RASGRF2: variants seen among roughly 807,000 people sequenced by gnomAD.
RASGRF2 encodes Ras protein specific guanine nucleotide releasing factor 2.
RASGRF2 carries 76 observed loss-of-function variants against 151.0 expected under a neutral mutation model. That is an observed-to-expected ratio of 0.50 (90% CI 0.42 to 0.61). The LOEUF (loss-of-function observed/expected upper bound fraction) is 0.61. Ranked by LOEUF, RASGRF2 falls within the 20% of genes least tolerant of loss-of-function variation. The pLI is 0.00. For missense variants in RASGRF2, 1,148 were observed against 1,564.6 expected (o/e 0.73, Z 4.49); for synonymous variants, 504 against 566.5 (o/e 0.89, Z 1.57).
At chr5:81,035,228 A>T (rs1289728911) in intron 1 of RASGRF2, among the ~76,000 whole-genome samples, 1 of 152,168 alleles carries the variant, frequency 6.6e-6, no homozygotes. Flanking sequence ...TCCATCAATG[A>T]TAGACTGGAT....
In RASGRF2 at chr5:81,094,932, T is replaced by C; in HGVS notation, c.1695T>C (p.Thr565=). Residue 565 remains threonine, a synonymous_variant, in exon 12 of 27, where the codon ACT becomes ACC. Transcript: ENST00000265080. ...VVEPPDAAAF[T]VVLLAPSRQE... The stretch of plus-strand genomic sequence containing the variant: ...AGCCTCCTGACGCTGCCGCCTTCAC[T>C]GTTGTCTTGTTAGCACCCTCACGCC... 4 of 1,603,072 alleles carry C rather than the reference T, an allele frequency of 2.5e-6. No individual in the cohort carries two copies. Among genetic ancestry groups the C allele is most frequent in the Non-Finnish European group, 3.4e-6 (4 of 1,173,206 alleles).
intron 1 of RASGRF2, among the ~76,000 whole-genome samples, chr5:81,010,701 G>A (rs1335013089): frequency 1.3e-5 from 2 of 152,182 alleles, no homozygotes; most frequent in African/African-American, 4.8e-5. Context: ...CAAATGAGGT[G>A]AAAATGTATT....
chr5:81,210,835 A>G (rs1755613915), intron 22 of RASGRF2, among the ~76,000 whole-genome samples: 1 of 152,012 alleles, frequency 6.6e-6, no homozygotes, highest in Admixed American at 6.5e-5. Flanking sequence ...CCTTGCTCTC[A>G]TACTTAGATC....
intron 19 of RASGRF2, among the ~76,000 whole-genome samples, chr5:81,205,357 G>A (rs1464938732): frequency 1.3e-5 from 2 of 152,212 alleles, no homozygotes; most frequent in Non-Finnish European, 2.9e-5. Context: ...ACAACCCTGA[G>A]CAACTTAGTC....
intron 1 of RASGRF2, among the ~76,000 whole-genome samples, chr5:81,028,924 C>T (rs1476093040): frequency 6.6e-6 from 1 of 152,134 alleles, no homozygotes; most frequent in African/African-American, 2.4e-5. Flanking sequence ...CCAGATGGTA[C>T]CTGGAAAATT....
In RASGRF2 at chr5:81,228,361, T is replaced by A. The variant is rs1425557193; in HGVS notation, c.*2591T>A. On this transcript the variant is annotated 3_prime_UTR_variant, in exon 27 of 27. Coordinates refer to ENST00000265080, the MANE Select transcript of RASGRF2 (RefSeq NM_006909.3). ...ATTCGTGTGCCAGCTGGGAGAGGAA[T>A]GCACATTTTAAAATCCCTTCAATTT... 2 of 152,230 alleles carry A rather than the reference T, an allele frequency of 1.3e-5. No individual in the cohort carries two copies. The highest frequency in any genetic ancestry group is 2.9e-5 in the Non-Finnish European group (2 of 68,042). 9.4% of individuals were successfully genotyped at this position (152,230 alleles called of 1,614,324 possible). A position where few individuals can be genotyped will look rare whatever the true frequency, so the allele number is the denominator to read the frequency against.
intron 2 of RASGRF2, among the ~76,000 whole-genome samples, chr5:81,044,762 G>A (rs1750784695): frequency 6.6e-6 from 1 of 152,088 alleles, no homozygotes; most frequent in Admixed American, 6.5e-5. Flanking sequence ...ATTGGGTTTG[G>A]ACTTCAGAAC....
chr5:81,118,193 A>C (rs72771114), intron 15 of RASGRF2, among the ~76,000 whole-genome samples: 3,733 of 152,334 alleles, frequency 0.025, 63 homozygotes, highest in Non-Finnish European at 0.039. Flanking sequence ...CATCCCTGCA[A>C]TAGGTCTCTG....
intron 17 of RASGRF2, among the ~76,000 whole-genome samples, chr5:81,140,694 T>C (rs1214889436): frequency 6.6e-6 from 1 of 152,214 alleles, no homozygotes; most frequent in Non-Finnish European, 1.5e-5. Context: ...TCTTCCCTGA[T>C]GGTGCTGCAC....
chr5:81,104,388 G>A (rs1752787311), intron 12 of RASGRF2, among the ~76,000 whole-genome samples: 1 of 151,586 alleles, frequency 6.6e-6, no homozygotes, highest in African/African-American at 2.4e-5. Context: ...AGAGAGAGAT[G>A]AGAAAAAATG....
intron 1 of RASGRF2, among the ~76,000 whole-genome samples, chr5:80,989,986 A>G (rs529027734): frequency 2.0e-5 from 3 of 152,098 alleles, no homozygotes; most frequent in Non-Finnish European, 2.9e-5. Context: ...TCCTCTGCTC[A>G]TGTACTCTGT....
chr5:81,200,272 TAA>T (rs559961232), intron 18 of RASGRF2, among the ~76,000 whole-genome samples: 109 of 138,130 alleles, frequency 7.9e-4, no homozygotes, highest in Non-Finnish European at 7.7e-4. Context: ...CCCTGTGATT[TAA>T]AAAAAAAAAA....
In RASGRF2 at chr5:81,112,873, A is replaced by G. The variant is rs772023839; in HGVS notation, c.2087+15A>G. Reference sequence around the variant, plus strand: ...ATCCCTGTCAGGTACACCTATTGCTAGAGGTTAGCCTGTCATTCGCATATG... The same window carrying G: ...ATCCCTGTCAGGTACACCTATTGCTGGAGGTTAGCCTGTCATTCGCATATG... On this transcript the variant is annotated intron_variant, in intron 14 of 26. Transcript: ENST00000265080. The G allele has an allele frequency of 3.2e-5, 51 of 1,613,872 alleles. No individual in the cohort carries two copies. The Admixed American group carries it at 8.5e-4, about 27-fold the overall frequency.
chr5:81,171,845 C>T (rs1399662563), intron 17 of RASGRF2, among the ~76,000 whole-genome samples: 2 of 152,228 alleles, frequency 1.3e-5, no homozygotes, highest in South Asian at 2.1e-4. Flanking sequence ...TCACCTCACA[C>T]TAACCCCTGT....
intron 1 of RASGRF2, among the ~76,000 whole-genome samples, chr5:81,031,048 A>G (rs964583589): frequency 6.6e-6 from 1 of 152,236 alleles, no homozygotes; most frequent in East Asian, 1.9e-4. Flanking sequence ...CAAAAGAGAC[A>G]AAGAAGGCCA....
chr5:81,220,824 T>C (rs770723059), intron 26 of RASGRF2, among the ~76,000 whole-genome samples: 2 of 152,206 alleles, frequency 1.3e-5, no homozygotes, highest in African/African-American at 2.4e-5. Flanking sequence ...ATTTTTTACC[T>C]AATATCCTCT....
At chr5:81,071,056 C>T (rs1751759576) in intron 4 of RASGRF2, among the ~76,000 whole-genome samples, 1 of 152,038 alleles carries the variant, frequency 6.6e-6, no homozygotes. Flanking sequence ...AGATTTTTCC[C>T]TCTTACTGCC....
At chr5:81,176,654 TC>T (rs35995797) in intron 17 of RASGRF2, among the ~76,000 whole-genome samples, 23,946 of 152,178 alleles carry the variant, frequency 0.16, 2,024 homozygotes, top group South Asian at 0.24. Context: ...TCCATGGTGA[TC>T]CCAGTGCAGG....
chr5:81,085,804 C>T lies in RASGRF2; in HGVS notation c.1164C>T (p.Ile388=). 6.2e-7 allele frequency: 1 copy of T among 1,613,964 alleles called. No homozygotes were observed. Among genetic ancestry groups the T allele is most frequent in the East Asian group, 2.2e-5 (1 of 44,864 alleles). Residue 388 remains isoleucine (I), a splice_region_variant and synonymous_variant, in exon 8 of 27, where the codon ATC becomes ATT. Transcript: ENST00000265080. ...TACTGGCCTCTGTTTGCATCTAGATCCCCAGATATATCATCACACTCCATG... is the reference window on the plus strand; with the variant it reads ...TACTGGCCTCTGTTTGCATCTAGATTCCCAGATATATCATCACACTCCATG... ...ETFLTYPMFQ[I]PRYIITLHEL... is the part of the protein sequence containing the mutation.
Sources: gnomAD v4.1 joint callset for allele counts (sites outside exome capture counted in the v4.1 genomes callset) on GRCh38, gnomAD v4.1.1 for gene constraint, MANE v1.5 for transcripts, NCBI Gene and HGNC (gene_info 2026-07-23, HGNC 2026-07-21) for gene names.